KCNH5: variants seen among roughly 807,000 people sequenced by gnomAD.
KCNH5 encodes the protein potassium voltage-gated channel subfamily H member 5.
KCNH5 carries 46 observed loss-of-function variants against 96.1 expected under a neutral mutation model. The ratio of observed to expected loss-of-function variants is 0.48; its 90% CI spans 0.38 to 0.61. KCNH5 has a LOEUF of 0.61. Ranked by LOEUF, KCNH5 falls within the 20% of genes least tolerant of loss-of-function variation. The pLI, the probability that KCNH5 is intolerant of heterozygous loss-of-function variation, is 0.00. For missense variants in KCNH5, 907 were observed against 1,225.8 expected (o/e 0.74, Z 3.88); for synonymous variants, 439 against 449.8 (o/e 0.98, Z 0.30).
Position 63,016,907 on chromosome 14 carries a change from C to G in KCNH5, c.121G>C (p.Val41Leu), listed in dbSNP as rs1891337358. Residue 41 changes from valine to leucine, a missense_variant, in exon 2 of 11, where the codon GTT (valine) becomes CTT (leucine). By Grantham distance (32) the Val-to-Leu change is conservative (BLOSUM62 1). This residue lies in a region of KCNH5 where 370 missense variants were observed against 561.3 expected (regional missense o/e 0.66). Coordinates refer to ENST00000322893, the MANE Select transcript of KCNH5 (RefSeq NM_139318.5). ...TTACAAAAACCGTCATTACTATAAA[C>G]TACAGGCCAATCCACAATCTGGGCA... Reference protein sequence around the residue: ...GNAQIVDWPVVYSNDGFCKLS... With the variant: ...GNAQIVDWPVLYSNDGFCKLS... 6.2e-7 allele frequency: 1 copy of G among 1,609,160 alleles called. No homozygotes were observed.
chr14:62,950,437 C>A lies in KCNH5; in HGVS notation c.1065G>T (p.Val355=), dbSNP rs115344549. 1.2e-6 allele frequency: 2 copies of A among 1,613,852 alleles called. No homozygotes were observed. Among genetic ancestry groups the A allele is most frequent in the Non-Finnish European group, 1.7e-6 (2 of 1,179,978 alleles). Reference sequence around the variant, plus strand: ...CCAGCCAGTGGGCCACCAGTCCAAACACACACACCAGGAGCACGAGGACTG... The same window carrying A: ...CCAGCCAGTGGGCCACCAGTCCAAAAACACACACCAGGAGCACGAGGACTG... ...GAAVLVLLVC[V]FGLVAHWLAC... Residue 355 remains valine (V), a synonymous_variant, in exon 7 of 11, where the codon GTG becomes GTT. Transcript: ENST00000322893.
In KCNH5 at chr14:62,934,134, TTC is replaced by T. The variant is rs1413081445; in HGVS notation, c.1369+15997_1369+15998del. Among the ~76,000 whole-genome samples, 467 of 88,448 alleles carry T rather than the reference TTC, an allele frequency of 5.3e-3. 1 individual carries two copies. The highest frequency in any genetic ancestry group is 6.7e-3 in the Non-Finnish European group (314 of 46,570). 58.0% of individuals were successfully genotyped at this position (88,448 alleles called of 152,430 possible). ...AATGCAGATTTCTTTCTTTCTTTCT[TTC>T]TTTTTTTTTTTTTGAGATAGAGTCT... On this transcript the variant is annotated intron_variant, in intron 7 of 10. Coordinates refer to ENST00000322893, the MANE Select transcript of KCNH5 (RefSeq NM_139318.5).
At chr14:62,779,417 G>C (rs1438764383) in intron 10 of KCNH5, among the ~76,000 whole-genome samples, 1 of 152,124 alleles carries the variant, frequency 6.6e-6, no homozygotes, top group Non-Finnish European at 1.5e-5. Flanking sequence ...CACTGGAGTT[G>C]ATTTTATGGC....
intron 9 of KCNH5, among the ~76,000 whole-genome samples, chr14:62,788,088 G>T (rs1412536802): frequency 6.6e-6 from 1 of 152,172 alleles, no homozygotes; most frequent in East Asian, 1.9e-4. Context: ...AGGATCTAGA[G>T]AAAGTAAATG....
intron 10 of KCNH5, among the ~76,000 whole-genome samples, chr14:62,741,984 T>A (rs1024504853): frequency 1.3e-5 from 2 of 152,144 alleles, no homozygotes; most frequent in African/African-American, 4.8e-5. Flanking sequence ...CTTATCAGGG[T>A]TACAATCTTG....
At chr14:63,023,015 C>A (rs932197624) in intron 1 of KCNH5, among the ~76,000 whole-genome samples, 1 of 151,898 alleles carries the variant, frequency 6.6e-6, no homozygotes. Flanking sequence ...GCCAGCCTAG[C>A]CAACATGGTG....
rs112428316 is a variant in KCNH5 at position 62,783,143 on chromosome 14, C to G, written c.1823-3219G>C. 3.8e-3 allele frequency among the ~76,000 whole-genome samples: 572 copies of G among 152,220 alleles called. 3 individuals are homozygous for G. Among genetic ancestry groups the G allele is most frequent in the African/African-American group, 0.013 (545 of 41,530 alleles). On this transcript the variant is annotated intron_variant, in intron 9 of 10. Coordinates refer to ENST00000322893, the MANE Select transcript of KCNH5 (RefSeq NM_139318.5). ...ATATAAAATAGTAAAAGCAGGATAT[C>G]AAACTATACATACAGCATAATCTCA... is the stretch of plus-strand genomic sequence containing the variant.
intron 8 of KCNH5, among the ~76,000 whole-genome samples, chr14:62,831,985 T>C (rs1887361125): frequency 6.6e-6 from 1 of 152,178 alleles, no homozygotes; most frequent in Non-Finnish European, 1.5e-5. Flanking sequence ...AGTGTTGGGA[T>C]TACAGGCATG....
At chr14:62,739,915 A>C (rs976539235) in intron 10 of KCNH5, among the ~76,000 whole-genome samples, 8 of 152,164 alleles carry the variant, frequency 5.3e-5, no homozygotes, top group Non-Finnish European at 1.2e-4. Flanking sequence ...ATCAACATAA[A>C]ACACAATGAA....
intron 7 of KCNH5, among the ~76,000 whole-genome samples, chr14:62,875,822 C>T (rs1348623752): frequency 5.9e-5 from 9 of 152,090 alleles, no homozygotes; most frequent in African/African-American, 1.7e-4. Flanking sequence ...TAAGACCAGC[C>T]TGGTGTTAGA....
At chr14:62,896,295 T>C (rs1166322329) in intron 7 of KCNH5, among the ~76,000 whole-genome samples, 3 of 152,226 alleles carry the variant, frequency 2.0e-5, no homozygotes, top group Admixed American at 6.5e-5. Flanking sequence ...AGGACCTATA[T>C]ATGTTAACAC....
At chr14:62,957,621 G>A (rs919542618) in intron 6 of KCNH5, among the ~76,000 whole-genome samples, 16 of 152,176 alleles carry the variant, frequency 1.1e-4, no homozygotes, top group African/African-American at 3.9e-4. Context: ...TTGGCCAACA[G>A]AATGTGATAT....
chr14:62,881,652 C>T (rs777210458), intron 7 of KCNH5, among the ~76,000 whole-genome samples: 33 of 152,120 alleles, frequency 2.2e-4, no homozygotes, highest in Non-Finnish European at 4.3e-4. Context: ...GAAAACAATT[C>T]ATTATCACTA....
intron 10 of KCNH5, among the ~76,000 whole-genome samples, chr14:62,750,403 A>G (rs961990110): frequency 1.3e-5 from 2 of 152,172 alleles, no homozygotes; most frequent in African/African-American, 4.8e-5. Flanking sequence ...CTCTTGAATT[A>G]AGCCCTGACC....
At chr14:62,772,110 CA>C (rs199667177) in intron 10 of KCNH5, among the ~76,000 whole-genome samples, 10 of 151,424 alleles carry the variant, frequency 6.6e-5, no homozygotes, top group African/African-American at 2.2e-4. Flanking sequence ...ACAACAACAA[CA>C]AAAAAAACAC....
At chr14:62,879,096 T>C (rs1888441595) in intron 7 of KCNH5, among the ~76,000 whole-genome samples, 1 of 152,114 alleles carries the variant, frequency 6.6e-6, no homozygotes, top group Admixed American at 6.5e-5. Flanking sequence ...TAATGACTAA[T>C]AAAAACAAAA....
chr14:63,009,588 A>T (rs1891188537), intron 2 of KCNH5, among the ~76,000 whole-genome samples: 1 of 152,204 alleles, frequency 6.6e-6, no homozygotes, highest in African/African-American at 2.4e-5. Flanking sequence ...CAGTTAAATA[A>T]TAAGAGGTAT....
In KCNH5 at chr14:63,045,127, G is replaced by T. The variant is rs1433231782; in HGVS notation, c.60C>A (p.Val20=). ...APQNTFLENI[V]RRSSESSFLL... ...AACTCTCCTTACCACTGGAGCGCCT[G>T]ACGATGTTCTCCAAAAATGTGTTCT... The change falls in exon 1 of 11, where the codon GTC becomes GTA. Residue 20 remains valine, a synonymous_variant. Transcript: ENST00000322893. The T allele has an allele frequency of 4.3e-6, 7 of 1,613,816 alleles. No individual in the cohort carries two copies. In the East Asian group the frequency reaches 1.6e-4, roughly 36 times the overall value.
chr14:62,777,973 T>C (rs1283216884), intron 10 of KCNH5, among the ~76,000 whole-genome samples: 1 of 152,168 alleles, frequency 6.6e-6, no homozygotes, highest in African/African-American at 2.4e-5. Context: ...CTTGGTTGTT[T>C]GATATTAATC....
Sources: gnomAD v4.1 joint callset for allele counts (sites outside exome capture counted in the v4.1 genomes callset) on GRCh38, gnomAD v4.1.1 for gene constraint, gnomAD v4.1.1 regional missense constraint, MANE v1.5 for transcripts, NCBI Gene and HGNC (gene_info 2026-07-23, HGNC 2026-07-21) for gene names.